The following FBXL14 variants were observed in gnomAD, a reference collection of about 807,000 sequenced individuals.
FBXL14 encodes the protein F-box/LRR-repeat protein 14.
In FBXL14, 11 loss-of-function variants were observed where a neutral mutation model predicts 24.5. That is an observed-to-expected ratio of 0.45 (90% CI 0.28 to 0.74). FBXL14 has a LOEUF of 0.74. Among genes scored for constraint, FBXL14 ranks in the 30% least tolerant of loss-of-function variants. FBXL14 has a pLI of 0.12. For missense variants in FBXL14, 384 were observed against 545.6 expected (o/e 0.70, Z 2.95); for synonymous variants, 294 against 240.4 (o/e 1.22, Z -2.06).
intron 1 of FBXL14, 69 bp downstream of exon 1, chr12:1,592,804 G>A (rs2094493628): frequency 1.5e-6 from 2 of 1,302,318 alleles, no homozygotes; most frequent in Non-Finnish European, 2.1e-6. Context: ...GTGAGTGTGT[G>A]GGGGCGGTGG....
intron 1 of FBXL14, among the ~76,000 whole-genome samples, chr12:1,572,633 G>T (rs889938067): frequency 3.3e-5 from 5 of 152,076 alleles, no homozygotes; most frequent in Non-Finnish European, 7.4e-5. Flanking sequence ...GGGGAAGCGG[G>T]GGGGCAGTGG....
chr12:1,593,034 CCGTGATGCG>C lies in FBXL14; in HGVS notation c.1024_1032del (p.Arg342_Thr344del). On this transcript the variant is annotated inframe_deletion, in exon 1 of 2. Coordinates refer to ENST00000339235, the MANE Select transcript of FBXL14 (RefSeq NM_152441.3). This position sits in a 1 kb window ranked among gnomAD's most constrained non-coding sequence, Gnocchi z 7.4. ...TCAGCGATCAGCTCCAGGCCCTTGT[CCGTGATGCG>C]CACACACTGTCCAATGTTGAGCGTG... The C allele has an allele frequency of 6.2e-7, 1 of 1,611,900 alleles. No homozygotes were observed. Among genetic ancestry groups the C allele is most frequent in the Non-Finnish European group, 8.5e-7 (1 of 1,179,938 alleles).
rs2094497440 is a variant in FBXL14, at chr12:1,594,419, T to G, written c.-353A>C. Reference sequence around the variant, plus strand: ...CCACGCCGCGCCCGGGCCGCGCCGCTCCGCCCGCGCCGCCGCGCCCACGCC... The same window carrying G: ...CCACGCCGCGCCCGGGCCGCGCCGCGCCGCCCGCGCCGCCGCGCCCACGCC... On this transcript the variant is annotated 5_prime_UTR_variant, in exon 1 of 2. Transcript: ENST00000339235. Among the ~76,000 whole-genome samples, 1 of 136,840 alleles carries G rather than the reference T, an allele frequency of 7.3e-6. No homozygotes were observed. Among genetic ancestry groups the G allele is most frequent in the Non-Finnish European group, 1.6e-5 (1 of 62,956 alleles). 89.8% of individuals were successfully genotyped at this position (136,840 alleles called of 152,430 possible). A position where few individuals can be genotyped will look rare whatever the true frequency, so the allele number is the denominator to read the frequency against.
At chr12:1,581,343 T>TGG (rs1349505704) in intron 1 of FBXL14, among the ~76,000 whole-genome samples, 1 of 152,116 alleles carries the variant, frequency 6.6e-6, no homozygotes, top group Non-Finnish European at 1.5e-5. Context: ...GGGAACCTCC[T>TGG]GGGGAGAGGG....
chr12:1,583,740 A>G (rs1300340661), intron 1 of FBXL14, among the ~76,000 whole-genome samples: 5 of 151,944 alleles, frequency 3.3e-5, no homozygotes, highest in Non-Finnish European at 7.3e-5. Flanking sequence ...AGTGGAGGAC[A>G]TTTAGTTTTG....
At chr12:1,584,930 T>C (rs547587126) in intron 1 of FBXL14, among the ~76,000 whole-genome samples, 1 of 152,352 alleles carries the variant, frequency 6.6e-6, no homozygotes, top group East Asian at 1.9e-4. Flanking sequence ...AAGCATTTAT[T>C]TGAGGGGCGT....
chr12:1,566,669 C>A lies in FBXL14; in HGVS notation c.*79G>T. 1 of 771,894 alleles carries A rather than the reference C, an allele frequency of 1.3e-6. No homozygotes were observed. Among genetic ancestry groups the A allele is most frequent in the Non-Finnish European group, 2.4e-6 (1 of 412,914 alleles). 47.8% of individuals were successfully genotyped at this position (771,894 alleles called of 1,614,324 possible). On this transcript the variant is annotated 3_prime_UTR_variant, in exon 2 of 2. Transcript: ENST00000339235. ...CAGGCAGGGAAACCTGAGCTGTCATCACCAGAGTGCCGGAGGCGCAGAGCG... is the reference window on the plus strand; with the variant it reads ...CAGGCAGGGAAACCTGAGCTGTCATAACCAGAGTGCCGGAGGCGCAGAGCG...
intron 1 of FBXL14, among the ~76,000 whole-genome samples, chr12:1,590,129 A>T (rs889708410): frequency 6.6e-6 from 1 of 151,056 alleles, no homozygotes; most frequent in African/African-American, 2.5e-5. Context: ...CCTACTTCTT[A>T]ATAGGCTTCA....
intron 1 of FBXL14, among the ~76,000 whole-genome samples, chr12:1,576,866 T>G (rs1040132796): frequency 6.6e-6 from 1 of 152,254 alleles, no homozygotes; most frequent in African/African-American, 2.4e-5. Context: ...TTGTATTTTT[T>G]TAAAGTCATT....
At position 1,566,680 on chromosome 12, in the gene FBXL14, C is replaced by T. The variant is rs1160747992; in HGVS notation, c.*68G>A. 1.4e-5 allele frequency: 11 copies of T among 776,006 alleles called. No individual in the cohort carries two copies. Among genetic ancestry groups the T allele is most frequent in the South Asian group, 6.8e-5 (5 of 73,890 alleles). 48.1% of individuals were successfully genotyped at this position (776,006 alleles called of 1,614,324 possible). A position where few individuals can be genotyped will look rare whatever the true frequency, so the allele number is the denominator to read the frequency against. The stretch of plus-strand genomic sequence containing the variant: ...ACCTGAGCTGTCATCACCAGAGTGC[C>T]GGAGGCGCAGAGCGGGCAAGTCTGG... On this transcript the variant is annotated 3_prime_UTR_variant, in exon 2 of 2. Coordinates refer to ENST00000339235, the MANE Select transcript of FBXL14 (RefSeq NM_152441.3).
chr12:1,578,876 A>G (rs967500924), intron 1 of FBXL14, among the ~76,000 whole-genome samples: 1 of 152,070 alleles, frequency 6.6e-6, no homozygotes, highest in African/African-American at 2.4e-5. Context: ...TTTGCTTTAG[A>G]GACATGCCAC....
chr12:1,578,037 C>T (rs938367328), intron 1 of FBXL14, among the ~76,000 whole-genome samples: 3 of 152,148 alleles, frequency 2.0e-5, no homozygotes, highest in Non-Finnish European at 4.4e-5. Flanking sequence ...TTAGGTATGC[C>T]AGTTTGACAC....
rs1592492590 is a variant in FBXL14 at position 1,594,014 on chromosome 12, C to T, written c.53G>A (p.Gly18Asp). Residue 18 changes from glycine (G) to aspartate (D), a missense_variant, in exon 1 of 2, where the codon GGC (glycine) becomes GAC (aspartate). Physicochemically the swap from Gly to Asp is moderately conservative, Grantham distance 94. Coordinates refer to ENST00000339235, the MANE Select transcript of FBXL14 (RefSeq NM_152441.3). Reference sequence around the variant, plus strand: ...CCCCTTGTCCCGGACGTCCAGGTAGCCGAAGATCATGGCCAGCAGCTCCGG... The same window carrying T: ...CCCCTTGTCCCGGACGTCCAGGTAGTCGAAGATCATGGCCAGCAGCTCCGG... ...LFPELLAMIF[G>D]YLDVRDKGRA... is the part of the protein sequence containing the mutation. 6.3e-7 allele frequency: 1 copy of T among 1,575,740 alleles called. No individual in the cohort carries two copies. Among genetic ancestry groups the T allele is most frequent in the African/African-American group, 1.3e-5 (1 of 74,554 alleles).
At position 1,567,091 on chromosome 12, in the gene FBXL14, G is replaced by A; in HGVS notation, c.1195-281C>T. Among the ~76,000 whole-genome samples the A allele has an allele frequency of 6.6e-6, 1 of 152,070 alleles. No individual in the cohort carries two copies. Among genetic ancestry groups the A allele is most frequent in the Non-Finnish European group, 1.5e-5 (1 of 68,008 alleles). On this transcript the variant is annotated intron_variant, in intron 1 of 1. Coordinates refer to ENST00000339235, the MANE Select transcript of FBXL14 (RefSeq NM_152441.3). This position sits in a 1 kb window ranked among gnomAD's most constrained non-coding sequence, Gnocchi z 4.8. ...AGACTATAGAGTAGACCTTCCCACCGCACACTCACGGCCTCTTTACAGCAG... is the reference window on the plus strand; with the variant it reads ...AGACTATAGAGTAGACCTTCCCACCACACACTCACGGCCTCTTTACAGCAG...
chr12:1,568,870 A>T (rs2094440595), intron 1 of FBXL14, among the ~76,000 whole-genome samples: 1 of 152,176 alleles, frequency 6.6e-6, no homozygotes, highest in South Asian at 2.1e-4. Flanking sequence ...AAACAAAAAA[A>T]GATTGTCATA....
chr12:1,578,864 G>A (rs1270633601), intron 1 of FBXL14, among the ~76,000 whole-genome samples: 1 of 152,070 alleles, frequency 6.6e-6, no homozygotes, highest in East Asian at 1.9e-4. Flanking sequence ...ACCACGGTGG[G>A]CTTTGCTTTA....
chr12:1,578,865 C>T (rs1230769467), intron 1 of FBXL14, among the ~76,000 whole-genome samples: 1 of 152,114 alleles, frequency 6.6e-6, no homozygotes, highest in Admixed American at 6.6e-5. Flanking sequence ...CCACGGTGGG[C>T]TTTGCTTTAG....
intron 1 of FBXL14, among the ~76,000 whole-genome samples, chr12:1,576,745 G>A (rs913825500): frequency 2.6e-5 from 4 of 152,158 alleles, no homozygotes; most frequent in African/African-American, 4.8e-5. Context: ...CTCCATACGC[G>A]TAAGTGGGAG....
At chr12:1,586,715 A>G (rs567884259) in intron 1 of FBXL14, among the ~76,000 whole-genome samples, 39 of 152,332 alleles carry the variant, frequency 2.6e-4, no homozygotes, top group African/African-American at 8.9e-4. Flanking sequence ...CATCTGCCAG[A>G]TTTGGGAAAA....
Sources: gnomAD v4.1 joint callset for allele counts (sites outside exome capture counted in the v4.1 genomes callset) on GRCh38, gnomAD v4.1.1 for gene constraint, Gnocchi (gnomAD v3.1) non-coding constraint, MANE v1.5 for transcripts, NCBI Gene and HGNC (gene_info 2026-07-23, HGNC 2026-07-21) for gene names.